Variants in VWA3A observed in about 807,000 individuals in gnomAD.
VWA3A encodes von Willebrand factor A domain containing 3A, also known as von Willebrand factor A domain-containing protein 3A.
VWA3A carries 134 observed loss-of-function variants against 160.4 expected under a neutral mutation model. The observed-to-expected ratio is 0.84, with a 90% CI of 0.73 to 0.96. VWA3A has a LOEUF of 0.96. Ranked by LOEUF, VWA3A falls within the 40% of genes least tolerant of loss-of-function variation. VWA3A has a pLI of 0.00. For missense variants in VWA3A, 1,310 were observed against 1,447.9 expected (o/e 0.90, Z 1.55); for synonymous variants, 476 against 543.4 (o/e 0.88, Z 1.72).
Position 22,151,703 on chromosome 16 carries a change from C to T in VWA3A, c.3282-808C>T, listed in dbSNP as rs952250562. Among the ~76,000 whole-genome samples, 20 of 151,890 alleles carry T rather than the reference C, an allele frequency of 1.3e-4. No homozygotes were observed. The South Asian group carries it at 2.3e-3, about 17-fold the overall frequency. On this transcript the variant is annotated intron_variant, in intron 30 of 33. Coordinates refer to ENST00000389398, the MANE Select transcript of VWA3A (RefSeq NM_173615.5). ...CCTGGATATCATAGCAAGATTCCAT[C>T]TCTACAAAACAAAATAAAAATGTGA...
chr16:22,142,391 T>G (rs889216398), intron 24 of VWA3A, among the ~76,000 whole-genome samples: 1 of 152,018 alleles, frequency 6.6e-6, no homozygotes, highest in Admixed American at 6.6e-5. Context: ...GGAGCTGGCA[T>G]GTGCAGAGAT....
chr16:22,112,207 G>A (rs1042223750), intron 8 of VWA3A, among the ~76,000 whole-genome samples: 4 of 152,174 alleles, frequency 2.6e-5, no homozygotes, highest in African/African-American at 9.7e-5. Context: ...TATCCAGTGA[G>A]TAGAAATTTA....
intron 31 of VWA3A, among the ~76,000 whole-genome samples, chr16:22,154,140 G>T (rs2046395524): frequency 6.6e-6 from 1 of 151,836 alleles, no homozygotes; most frequent in Non-Finnish European, 1.5e-5. Flanking sequence ...TGAACAAATT[G>T]GTAAAAGTAA....
intron 17 of VWA3A, among the ~76,000 whole-genome samples, chr16:22,129,114 G>A (rs1418634869): frequency 6.6e-6 from 1 of 151,586 alleles, no homozygotes; most frequent in Non-Finnish European, 1.5e-5. Context: ...TGGAGGCTGG[G>A]TACAGTGGCT....
intron 5 of VWA3A, among the ~76,000 whole-genome samples, chr16:22,100,964 CAAA>C (rs59096934): frequency 1.6e-4 from 10 of 60,750 alleles, no homozygotes; most frequent in Non-Finnish European, 2.1e-4. Flanking sequence ...GACCCTGTCT[CAAA>C]AAAAAAAAAA....
chr16:22,108,172 G>A (rs2045506988), intron 6 of VWA3A, among the ~76,000 whole-genome samples: 1 of 152,138 alleles, frequency 6.6e-6, no homozygotes, highest in African/African-American at 2.4e-5. Flanking sequence ...AAGGATGTGT[G>A]GCTAAGATGG....
intron 19 of VWA3A, 145 bp downstream of exon 19, chr16:22,131,874 G>A: frequency 8.1e-7 from 1 of 1,230,970 alleles, no homozygotes; most frequent in Non-Finnish European, 1.1e-6. Flanking sequence ...ACCTAAGGAT[G>A]CTGTTAAAAT....
At position 22,152,992 on chromosome 16, in the gene VWA3A, A is replaced by C. The variant is rs531058005; in HGVS notation, c.3405+358A>C. On this transcript the variant is annotated intron_variant, in intron 31 of 33. Transcript: ENST00000389398. The stretch of plus-strand genomic sequence containing the variant: ...TGGAAATTTATGTGGCTTTATGTAG[A>C]TAACCTCTTTTAATATTATACCCAT... Among the ~76,000 whole-genome samples, 7 of 152,306 alleles carry C rather than the reference A, an allele frequency of 4.6e-5. No individual in the cohort carries two copies. The East Asian group carries it at 1.3e-3, about 29-fold the overall frequency.
intron 16 of VWA3A, among the ~76,000 whole-genome samples, chr16:22,124,834 C>A (rs2045814075): frequency 6.6e-6 from 1 of 152,184 alleles, no homozygotes; most frequent in East Asian, 1.9e-4. Context: ...GGAAGCGGAA[C>A]TTGAACCAAG....
At chr16:22,114,393 C>T (rs542328969) in intron 8 of VWA3A, among the ~76,000 whole-genome samples, 7 of 152,294 alleles carry the variant, frequency 4.6e-5, no homozygotes, top group South Asian at 4.1e-4. Context: ...CTTAGGGTCG[C>T]GGAATTAACT....
At chr16:22,134,016 T>C (rs2141968442) in intron 20 of VWA3A, among the ~76,000 whole-genome samples, 1 of 152,124 alleles carries the variant, frequency 6.6e-6, no homozygotes. Flanking sequence ...CAGGCTGGAG[T>C]GCAGTGGTGC....
chr16:22,145,316 C>G (rs1447710359), intron 26 of VWA3A, among the ~76,000 whole-genome samples: 1 of 152,144 alleles, frequency 6.6e-6, no homozygotes, highest in Non-Finnish European at 1.5e-5. Context: ...ACTTCTTACC[C>G]CACCATTTAG....
intron 22 of VWA3A, among the ~76,000 whole-genome samples, chr16:22,139,608 T>G (rs1436099397): frequency 6.6e-6 from 1 of 151,974 alleles, no homozygotes; most frequent in Non-Finnish European, 1.5e-5. Context: ...ACAGGGAGAA[T>G]TGCTTGAACC....
Position 22,121,094 on chromosome 16 carries a change from G to C in VWA3A, c.1243G>C (p.Gly415Arg), listed in dbSNP as rs756311231. ...TTCTGCAGAGTGGCTTAAGGTCAAT[G>C]GTCTGAAAGGTAAATCTCCAAAGAG... The part of the protein sequence containing the change: ...KTSAEWLKVN[G>R]LKAKKLSLYQ... The change falls in exon 13 of 34, where the codon GGT becomes CGT. Residue 415 changes from glycine (G) to arginine (R), a missense_variant. Physicochemically the swap from Gly to Arg is moderately radical, Grantham distance 125 (BLOSUM62 -2). Coordinates refer to ENST00000389398, the MANE Select transcript of VWA3A (RefSeq NM_173615.5). 1 of 1,613,738 alleles carries C rather than the reference G, an allele frequency of 6.2e-7. No homozygotes were observed. The highest frequency in any genetic ancestry group is 1.3e-5 in the African/African-American group (1 of 74,876).
chr16:22,144,312 C>A lies in VWA3A; in HGVS notation c.2658C>A (p.Cys886Ter). The stretch of plus-strand genomic sequence containing the variant: ...TTTCCAGATGCATGGGTCCCAACTG[C>A]ACTCATCAAAAGTCAGGACAGAGGT... ...LEISRCMGPNCTHQKSGQRSA... is the reference protein window; with the variant it reads ...LEISRCMGPN The change falls in exon 26 of 34, where the codon TGC (cysteine) becomes TGA (stop). Residue 886 changes from cysteine (C) to a stop codon, truncating the protein, a stop_gained. Transcript: ENST00000389398. LOFTEE classifies it high-confidence loss of function. 6.2e-7 allele frequency: 1 copy of A among 1,613,954 alleles called. No individual in the cohort carries two copies. Among genetic ancestry groups the A allele is most frequent in the Non-Finnish European group, 8.5e-7 (1 of 1,179,894 alleles).
chr16:22,101,118 A>G (rs1164721504), intron 5 of VWA3A, among the ~76,000 whole-genome samples: 2 of 152,094 alleles, frequency 1.3e-5, no homozygotes, highest in Non-Finnish European at 2.9e-5. Context: ...AGGGCCAGGC[A>G]TGGTGGTCCA....
In VWA3A at chr16:22,123,748, G is replaced by T. The variant is rs746082717; in HGVS notation, c.1532+41G>T. On this transcript the variant is annotated intron_variant, in intron 16 of 33. Transcript: ENST00000389398. Reference sequence around the variant, plus strand: ...AGGGTTCTTATCCTTCATGGGTCTGGTGTGTGACGTGACATTTATCCGCCT... The same window carrying T: ...AGGGTTCTTATCCTTCATGGGTCTGTTGTGTGACGTGACATTTATCCGCCT... The T allele has an allele frequency of 3.2e-6, 5 of 1,546,246 alleles. No homozygotes were observed. The South Asian group carries it at 5.8e-5, about 18-fold the overall frequency.
At chr16:22,094,755 C>G (rs944418876) in intron 1 of VWA3A, among the ~76,000 whole-genome samples, 2 of 152,042 alleles carry the variant, frequency 1.3e-5, no homozygotes, top group African/African-American at 4.8e-5. Context: ...CACCTGAGGT[C>G]AAGAGTTTGA....
chr16:22,130,530 T>C (rs1293827915), intron 17 of VWA3A, among the ~76,000 whole-genome samples: 2 of 152,182 alleles, frequency 1.3e-5, no homozygotes, highest in Non-Finnish European at 2.9e-5. Context: ...TCATAAAGGG[T>C]ATAAATCCTC....
Sources: allele counts gnomAD v4.1 joint callset (sites outside exome capture counted in the v4.1 genomes callset), GRCh38; gene constraint gnomAD v4.1.1; transcripts MANE v1.5; gene names NCBI Gene and HGNC (gene_info 2026-07-23, HGNC 2026-07-21).